CD226: variants seen among roughly 807,000 people sequenced by gnomAD.
The protein encoded by CD226 is CD226 antigen.
In CD226, 24 loss-of-function variants were observed where a neutral mutation model predicts 34.9. The ratio of observed to expected loss-of-function variants is 0.69; its 90% confidence interval spans 0.50 to 0.97. The LOEUF is 0.97. Ranked by LOEUF, CD226 falls within the 50% of genes least tolerant of loss-of-function variation. The probability of loss-of-function intolerance (pLI) is 0.00; values close to 1 mark genes in which losing one functional copy is unlikely to be tolerated. For missense variants in CD226, 397 were observed against 412.7 expected, an observed-to-expected ratio of 0.96 and a Z score of 0.33; for synonymous variants, 148 against 147.4, an observed-to-expected ratio of 1.00 and a Z score of -0.03.
chr18:69,932,533 C>T (rs897614845), intron 2 of CD226, among the ~76,000 whole-genome samples: 1 of 152,202 alleles, frequency 6.6e-6, no homozygotes, highest in Non-Finnish European at 1.5e-5. Flanking sequence ...AGTTCACCAC[C>T]TGGCACCACT....
At chr18:69,879,129 T>G (rs1473184260) in intron 3 of CD226, among the ~76,000 whole-genome samples, 2 of 152,092 alleles carry the variant, frequency 1.3e-5, no homozygotes, top group South Asian at 4.2e-4. Flanking sequence ...ACAAGGCAAA[T>G]GGAGGCAGAG....
chr18:69,916,756 A>T (rs2055391216), intron 2 of CD226, among the ~76,000 whole-genome samples: 1 of 152,226 alleles, frequency 6.6e-6, no homozygotes, highest in Non-Finnish European at 1.5e-5. Context: ...CGAGATTCTT[A>T]TACTCAATAT....
In CD226 at chr18:69,853,721, A is replaced by T. The variant is rs1282706715; in HGVS notation, c.*10593T>A. 1 of 152,126 alleles carries T rather than the reference A, an allele frequency of 6.6e-6. No homozygotes were observed. Among genetic ancestry groups the T allele is most frequent in the African/African-American group, 2.4e-5 (1 of 41,414 alleles). The allele number at this position is 152,126 out of a possible 1,614,324, so 9.4% of individuals were successfully genotyped here. ...TTATTTCCAATCGCATAGACTTGACATGTTATCTCCTTGTGGCTTGTGCTA... is the reference window on the plus strand; with the variant it reads ...TTATTTCCAATCGCATAGACTTGACTTGTTATCTCCTTGTGGCTTGTGCTA... On this transcript the variant is annotated 3_prime_UTR_variant, in exon 6 of 6. Coordinates refer to ENST00000582621, the MANE Select transcript of CD226 (RefSeq NM_001303618.2).
chr18:69,924,856 GA>G (rs1283616272), intron 2 of CD226, among the ~76,000 whole-genome samples: 1 of 152,100 alleles, frequency 6.6e-6, no homozygotes, highest in Non-Finnish European at 1.5e-5. Context: ...GAAAGAGAGG[GA>G]GAGAAACTGC....
intron 2 of CD226, among the ~76,000 whole-genome samples, chr18:69,922,293 A>C (rs1003402173): frequency 2.0e-5 from 3 of 152,064 alleles, no homozygotes; most frequent in Admixed American, 6.6e-5. Flanking sequence ...TCGTTTGTTT[A>C]TTTTTTGAGA....
chr18:69,898,675 C>T (rs1214368749), intron 2 of CD226, among the ~76,000 whole-genome samples: 1 of 152,194 alleles, frequency 6.6e-6, no homozygotes, highest in Non-Finnish European at 1.5e-5. Context: ...TTAACCTTTC[C>T]TGACAAACAG....
rs754933317 is a variant in CD226, at chr18:69,895,695, ACTCACCCTCGG to A, written c.722_727+5del. 10 of 1,602,678 alleles carry A rather than the reference ACTCACCCTCGG, an allele frequency of 6.2e-6. No homozygotes were observed. The highest frequency in any genetic ancestry group is 8.5e-6 in the Non-Finnish European group (10 of 1,170,252). The stretch of plus-strand genomic sequence containing the variant: ...TGATACCAGAAGATGTCTGGTGCTC[ACTCACCCTCGG>A]CTACAGTCAATCTCATCACGAAGGT... On this transcript the variant is annotated splice_donor_variant and splice_donor_5th_base_variant and coding_sequence_variant and intron_variant, in exon 3 of 6. Transcript: ENST00000582621. LOFTEE classifies it high-confidence loss of function.
intron 2 of CD226, among the ~76,000 whole-genome samples, chr18:69,919,053 A>G (rs1393191770): frequency 1.1e-4 from 16 of 152,252 alleles, no homozygotes; most frequent in Non-Finnish European, 1.5e-5. Context: ...TGTCACTGCC[A>G]GAGGACCTGG....
chr18:69,905,778 C>T (rs2055245196), intron 2 of CD226, among the ~76,000 whole-genome samples: 1 of 152,140 alleles, frequency 6.6e-6, no homozygotes, highest in Non-Finnish European at 1.5e-5. Flanking sequence ...GATGAAAGCA[C>T]AAAGAGAGCC....
rs1982605585 is a variant in CD226, at chr18:69,856,213, T to G, written c.*8101A>C. On this transcript the variant is annotated 3_prime_UTR_variant, in exon 6 of 6. Coordinates refer to ENST00000582621, the MANE Select transcript of CD226 (RefSeq NM_001303618.2). ...AGATTATCAAGAATAAAAGGGACAT[T>G]ACATGTGGTAAAGGGGTCAATTCTC... 6.6e-6 allele frequency: 1 copy of G among 152,130 alleles called. No individual in the cohort carries two copies. Among genetic ancestry groups the G allele is most frequent in the South Asian group, 2.1e-4 (1 of 4,830 alleles). The allele number at this position is 152,130 out of a possible 1,614,324, so 9.4% of individuals were successfully genotyped here. A position where few individuals can be genotyped will look rare whatever the true frequency, so the allele number is the denominator to read the frequency against.
chr18:69,885,640 C>A (rs528967936), intron 3 of CD226, among the ~76,000 whole-genome samples: 1 of 152,156 alleles, frequency 6.6e-6, no homozygotes, highest in African/African-American at 2.4e-5. Context: ...TGAGCCATCA[C>A]CAGGTCTCCT....
chr18:69,915,195 T>C (rs139096737), intron 2 of CD226, among the ~76,000 whole-genome samples: 1,532 of 152,328 alleles, frequency 0.01, 25 homozygotes, highest in African/African-American at 0.035. Flanking sequence ...TCTGATAGGG[T>C]TGACAATCAT....
intron 3 of CD226, among the ~76,000 whole-genome samples, chr18:69,877,322 T>TGGTAGGGTGA (rs1216878508): frequency 1.3e-5 from 2 of 152,180 alleles, no homozygotes; most frequent in Non-Finnish European, 2.9e-5. Flanking sequence ...ATGAAGAGAT[T>TGGTAGGGTGA]GGTAGGGTGA....
chr18:69,858,672 G>A lies in CD226; in HGVS notation c.*5642C>T. ...TGTGTTTTGCAAGCCTACTCCATCG[G>A]GTGTCCTGGGAATTCTATGAGCCAC... is the stretch of plus-strand genomic sequence containing the variant. On this transcript the variant is annotated 3_prime_UTR_variant, in exon 6 of 6. Transcript: ENST00000582621. The A allele has an allele frequency of 6.7e-6, 1 of 148,290 alleles. No homozygotes were observed. The highest frequency in any genetic ancestry group is 2.1e-4 in the South Asian group (1 of 4,680). The allele number at this position is 148,290 out of a possible 1,614,324, so 9.2% of individuals were successfully genotyped here. A position where few individuals can be genotyped will look rare whatever the true frequency, so the allele number is the denominator to read the frequency against.
At chr18:69,921,558 G>A (rs1186249008) in intron 2 of CD226, among the ~76,000 whole-genome samples, 1 of 152,112 alleles carries the variant, frequency 6.6e-6, no homozygotes, top group African/African-American at 2.4e-5. Flanking sequence ...TCTTTAATAA[G>A]GTGGCTGTCC....
rs1012296659 is a variant in CD226, at chr18:69,858,434, C to T, written c.*5880G>A. 10 of 152,126 alleles carry T rather than the reference C, an allele frequency of 6.6e-5. No individual in the cohort carries two copies. Among genetic ancestry groups the T allele is most frequent in the African/African-American group, 2.4e-4 (10 of 41,386 alleles). 9.4% of individuals were successfully genotyped at this position (152,126 alleles called of 1,614,324 possible). Reference sequence around the variant, plus strand: ...ACTATGGAAGCTGAAGGGGGAGATACAAGCTGCTGCCTTCCAGATATATTT... The same window carrying T: ...ACTATGGAAGCTGAAGGGGGAGATATAAGCTGCTGCCTTCCAGATATATTT... On this transcript the variant is annotated 3_prime_UTR_variant, in exon 6 of 6. Transcript: ENST00000582621.
chr18:69,886,307 T>C (rs190544617), intron 3 of CD226, among the ~76,000 whole-genome samples: 6 of 152,292 alleles, frequency 3.9e-5, no homozygotes, highest in African/African-American at 1.2e-4. Context: ...CTGGCACACA[T>C]AGAAACATGG....
intron 2 of CD226, among the ~76,000 whole-genome samples, chr18:69,907,493 A>G (rs1243826863): frequency 1.3e-5 from 2 of 152,132 alleles, no homozygotes; most frequent in African/African-American, 4.8e-5. Flanking sequence ...TATTTTTAGT[A>G]GAGATGGGGT....
chr18:69,936,216 T>G (rs574204866), intron 2 of CD226, among the ~76,000 whole-genome samples: 26 of 95,648 alleles, frequency 2.7e-4, no homozygotes, highest in African/African-American at 6.3e-4. Flanking sequence ...TTTAGAGAGT[T>G]TTTAAACTTT....
Sources: gnomAD v4.1 joint callset for allele counts (sites outside exome capture counted in the v4.1 genomes callset) on GRCh38, gnomAD v4.1.1 for gene constraint, MANE v1.5 for transcripts, NCBI Gene and HGNC (gene_info 2026-07-23, HGNC 2026-07-21) for gene names.